RALGAPA2: variants seen among roughly 807,000 people sequenced by gnomAD.
RALGAPA2 encodes the protein ral GTPase-activating protein subunit alpha-2.
A neutral mutation model predicts 230.4 loss-of-function variants in RALGAPA2; 139 were observed. The observed-to-expected ratio is 0.60, with a 90% CI of 0.53 to 0.69. RALGAPA2 has a LOEUF of 0.69. RALGAPA2 is among the 30% of genes least tolerant of loss of function. RALGAPA2 has a pLI of 0.00. For missense variants in RALGAPA2, 2,163 were observed against 2,276.0 expected (o/e 0.95, Z 1.01); for synonymous variants, 847 against 837.8 (o/e 1.01, Z -0.19).
intron 3 of RALGAPA2, among the ~76,000 whole-genome samples, chr20:20,670,806 G>A (rs1052161691): frequency 5.3e-5 from 8 of 151,816 alleles, no homozygotes; most frequent in Non-Finnish European, 8.8e-5. Flanking sequence ...ACAATTAGCC[G>A]GGCACGGTGG....
intron 37 of RALGAPA2, among the ~76,000 whole-genome samples, chr20:20,424,263 G>C (rs2060336325): frequency 6.6e-6 from 1 of 152,166 alleles, no homozygotes; most frequent in Admixed American, 6.5e-5. Flanking sequence ...AAATCACCAA[G>C]TGAGAAAATG....
Position 20,663,377 on chromosome 20 carries a change from C to A in RALGAPA2, c.271-9790G>T, listed in dbSNP as rs1030296638. On this transcript the variant is annotated intron_variant, in intron 3 of 39. Coordinates refer to ENST00000202677, the MANE Select transcript of RALGAPA2 (RefSeq NM_020343.4). ...GCCTGAAACCACAGATAGTACCAAA[C>A]CCTATATACACTGTGCACAAATTTC... Among the ~76,000 whole-genome samples the A allele has an allele frequency of 2.0e-5, 3 of 152,274 alleles. No homozygotes were observed. In the South Asian group the frequency reaches 6.2e-4, roughly 32 times the overall value.
intron 37 of RALGAPA2, among the ~76,000 whole-genome samples, chr20:20,468,941 C>CTGTGTG (rs373453686): frequency 6.8e-6 from 1 of 148,060 alleles, no homozygotes; most frequent in Non-Finnish European, 1.5e-5. Context: ...CACCTCCATC[C>CTGTGTG]TGTGTGTGTG....
chr20:20,705,619 T>C (rs1315074659), intron 1 of RALGAPA2, among the ~76,000 whole-genome samples: 1 of 152,202 alleles, frequency 6.6e-6, no homozygotes, highest in Non-Finnish European at 1.5e-5. Context: ...AAAATTCAAA[T>C]TGAAACAACT....
intron 37 of RALGAPA2, among the ~76,000 whole-genome samples, chr20:20,421,166 AAAG>A (rs2060268028): frequency 6.6e-6 from 1 of 152,250 alleles, no homozygotes; most frequent in Non-Finnish European, 1.5e-5. Context: ...ACATTTATCC[AAAG>A]AAGATATGTA....
Position 20,599,744 on chromosome 20 carries a change from A to G in RALGAPA2, c.2203+1938T>C, listed in dbSNP as rs150580707. Among the ~76,000 whole-genome samples the G allele has an allele frequency of 5.0e-3, 754 of 152,282 alleles. 7 individuals carry two copies. The highest frequency in any genetic ancestry group is 0.017 in the African/African-American group (706 of 41,546). ...TCCCAACACTTTGGAAGGCCAAGAC[A>G]GGCAAATCACCTGAGATCAGGAGTT... On this transcript the variant is annotated intron_variant, in intron 16 of 39. Transcript: ENST00000202677.
chr20:20,517,347 C>T (rs1419053217), intron 31 of RALGAPA2, among the ~76,000 whole-genome samples: 1 of 152,074 alleles, frequency 6.6e-6, no homozygotes, highest in Non-Finnish European at 1.5e-5. Context: ...GGATTAGTTC[C>T]CAATCTTCAC....
chr20:20,643,736 T>A (rs925960412), intron 4 of RALGAPA2, among the ~76,000 whole-genome samples, 187 bp from the exon 5 acceptor site: 2 of 152,228 alleles, frequency 1.3e-5, no homozygotes, highest in African/African-American at 4.8e-5. Context: ...CTTAAGTATG[T>A]ATCTCTTCAG....
chr20:20,680,223 C>T (rs572344571), intron 2 of RALGAPA2, among the ~76,000 whole-genome samples: 1 of 152,182 alleles, frequency 6.6e-6, no homozygotes, highest in Non-Finnish European at 1.5e-5. Context: ...TATAATGTGA[C>T]CTTGTTGGTT....
chr20:20,432,235 A>G lies in RALGAPA2; in HGVS notation c.5496-20087T>C, dbSNP rs537129723. ...ACACGTAGGTACATTTTCTACAGAG[A>G]CGGATCCAAGACTGTGACTGTCTCA... On this transcript the variant is annotated intron_variant, in intron 37 of 39. Coordinates refer to ENST00000202677, the MANE Select transcript of RALGAPA2 (RefSeq NM_020343.4). 3.7e-4 allele frequency among the ~76,000 whole-genome samples: 56 copies of G among 152,206 alleles called. 1 individual carries two copies. Among genetic ancestry groups the G allele is most frequent in the Admixed American group, 2.8e-3 (43 of 15,290 alleles).
intron 3 of RALGAPA2, among the ~76,000 whole-genome samples, chr20:20,672,624 A>C (rs1172813753): frequency 1.3e-5 from 2 of 152,242 alleles, no homozygotes; most frequent in Non-Finnish European, 2.9e-5. Flanking sequence ...CCCAGAATGC[A>C]ACACAAACAG....
chr20:20,655,622 G>A (rs980462191), intron 3 of RALGAPA2, among the ~76,000 whole-genome samples: 10 of 151,708 alleles, frequency 6.6e-5, no homozygotes, highest in African/African-American at 2.2e-4. Context: ...AGAGGCAGGC[G>A]AGGCTGGGGG....
chr20:20,553,822 A>G (rs145511951), intron 23 of RALGAPA2, among the ~76,000 whole-genome samples: 2 of 152,352 alleles, frequency 1.3e-5, no homozygotes, highest in East Asian at 3.9e-4. Context: ...CTGCTTATCT[A>G]CAAAGAAAAA....
chr20:20,647,069 T>C (rs1417958022), intron 4 of RALGAPA2, among the ~76,000 whole-genome samples: 1 of 152,194 alleles, frequency 6.6e-6, no homozygotes, highest in East Asian at 1.9e-4. Context: ...TCAAAATCTA[T>C]TTCTTTGCTT....
At position 20,635,448 on chromosome 20, in the gene RALGAPA2, AT is replaced by A; in HGVS notation, c.974del (p.Asn325MetfsTer81). The A allele has an allele frequency of 1.9e-6, 3 of 1,602,816 alleles. No homozygotes were observed. Among genetic ancestry groups the A allele is most frequent in the Non-Finnish European group, 1.7e-6 (2 of 1,175,970 alleles). On this transcript the variant is annotated frameshift_variant, in exon 9 of 40. Transcript: ENST00000202677. LOFTEE classifies it high-confidence loss of function. The part of the protein sequence containing the change: ...KYLTATQNTK[N>X]GVDVLPKIIQ... ...TGATTTTAGGCAATACATCAACTCC[AT>A]TTTTAGTGTTTTGTGTTGCAGTTAG...
In RALGAPA2 at chr20:20,449,495, T is replaced by G. The variant is rs142071146; in HGVS notation, c.5495+23334A>C. Among the ~76,000 whole-genome samples, 107 of 152,354 alleles carry G rather than the reference T, an allele frequency of 7.0e-4. No homozygotes were observed. In the Middle Eastern group the frequency reaches 0.01, roughly 15 times the overall value. Reference sequence around the variant, plus strand: ...CCTTTTATCTTCACAGAAAAACAGATGCAAAATGTCAGGTACTTGGGCTTT... The same window carrying G: ...CCTTTTATCTTCACAGAAAAACAGAGGCAAAATGTCAGGTACTTGGGCTTT... On this transcript the variant is annotated intron_variant, in intron 37 of 39. Coordinates refer to ENST00000202677, the MANE Select transcript of RALGAPA2 (RefSeq NM_020343.4).
intron 37 of RALGAPA2, among the ~76,000 whole-genome samples, chr20:20,465,335 G>A (rs1224407237): frequency 2.6e-5 from 4 of 152,158 alleles, no homozygotes; most frequent in African/African-American, 7.2e-5. Flanking sequence ...GAGCAGAGAC[G>A]ACTATGGGAG....
intron 32 of RALGAPA2, 114 bp from the exon 33 acceptor site, chr20:20,511,439 C>CA (rs1194053225): frequency 2.1e-6 from 3 of 1,419,588 alleles, no homozygotes; most frequent in Non-Finnish European, 2.8e-6. Context: ...ACCTCACTCA[C>CA]AAAAGATTTG....
chr20:20,475,312 T>C lies in RALGAPA2; in HGVS notation c.5368-2356A>G, dbSNP rs192473205. Among the ~76,000 whole-genome samples the C allele has an allele frequency of 3.9e-5, 6 of 152,246 alleles. No individual in the cohort carries two copies. The East Asian group carries it at 1.2e-3, about 29-fold the overall frequency. On this transcript the variant is annotated intron_variant, in intron 36 of 39. Transcript: ENST00000202677. The stretch of plus-strand genomic sequence containing the variant: ...TCTCAGCAATGATGCAAAAATCCTT[T>C]ATAATTTTTTTGTAAATTAAACCCA...
Sources: gnomAD v4.1 joint callset for allele counts (sites outside exome capture counted in the v4.1 genomes callset) on GRCh38, gnomAD v4.1.1 for gene constraint, MANE v1.5 for transcripts, NCBI Gene and HGNC (gene_info 2026-07-23, HGNC 2026-07-21) for gene names.